Variants in RABGAP1 observed in about 807,000 individuals in gnomAD.
RABGAP1 encodes RAB GTPase activating protein 1, also known as rab GTPase-activating protein 1.
Under a neutral mutation model 137.6 loss-of-function variants are expected in RABGAP1, and 23 were observed. The ratio of observed to expected loss-of-function variants is 0.17; its 90% CI spans 0.12 to 0.24. The LOEUF (loss-of-function observed/expected upper bound fraction) is 0.24, where lower values mean the gene tolerates loss of function less well. Among genes scored for constraint, RABGAP1 ranks in the 10% least tolerant of loss-of-function variants. The pLI is 1.00. For missense variants in RABGAP1, 906 were observed against 1,275.8 expected (o/e 0.71, Z 4.42); for synonymous variants, 451 against 450.7 (o/e 1.00, Z -0.01).
upstream of RABGAP1, chr9:122,939,568 T>C (rs1375160949): frequency 1.3e-5 from 2 of 152,214 alleles, no homozygotes; most frequent in East Asian, 3.8e-4. Flanking sequence ...GTACTGATTG[T>C]GTAGTACAAT....
intron 1 of RABGAP1, among the ~76,000 whole-genome samples, chr9:122,953,110 A>G (rs1834337326): frequency 1.3e-5 from 2 of 152,244 alleles, no homozygotes; most frequent in Non-Finnish European, 2.9e-5. Flanking sequence ...CTAACAATCA[A>G]ATTAACTCAT....
At chr9:123,066,494 C>T (rs1325335786) in intron 14 of RABGAP1, among the ~76,000 whole-genome samples, 4 of 152,180 alleles carry the variant, frequency 2.6e-5, no homozygotes, top group African/African-American at 9.7e-5. Context: ...GGTGCTCTTC[C>T]TTGCAGAGCT....
intron 13 of RABGAP1, among the ~76,000 whole-genome samples, chr9:123,033,897 A>G (rs1200769697): frequency 6.6e-6 from 1 of 152,186 alleles, no homozygotes. Context: ...TTATAAGCAA[A>G]TTCCTTTTCT....
At chr9:123,087,138 C>G (rs1230610845) in intron 19 of RABGAP1, among the ~76,000 whole-genome samples, 1 of 152,108 alleles carries the variant, frequency 6.6e-6, no homozygotes. Flanking sequence ...ATATATGATA[C>G]TGAGGGAGAA....
chr9:122,962,575 G>C (rs1834907260), intron 2 of RABGAP1, among the ~76,000 whole-genome samples: 1 of 151,718 alleles, frequency 6.6e-6, no homozygotes, highest in Non-Finnish European at 1.5e-5. Context: ...AACTAACAAG[G>C]ATACAAGTAA....
At chr9:122,975,856 G>C (rs1455595372) in intron 2 of RABGAP1, among the ~76,000 whole-genome samples, 1 of 152,172 alleles carries the variant, frequency 6.6e-6, no homozygotes, top group African/African-American at 2.4e-5. Flanking sequence ...TTTTAGAGAT[G>C]AGACAGTTGG....
chr9:122,943,072 CTTTTTTTTTTTTTTT>C lies in RABGAP1; in HGVS notation c.-50+1994_-50+2008del, dbSNP rs10582436. On this transcript the variant is annotated intron_variant, in intron 1 of 25. Transcript: ENST00000373647. Reference sequence around the variant, plus strand: ...ATATAGTCATGTTGTGGTGCACTTTCTTTTTTTTTTTTTTTTTTTTTTTTTTTTTGAGACTGAGTT... The same window carrying C: ...ATATAGTCATGTTGTGGTGCACTTTCTTTTTTTTTTTTTTGAGACTGAGTT... Among the ~76,000 whole-genome samples the C allele has an allele frequency of 7.6e-3, 888 of 116,160 alleles. 7 individuals are homozygous for C. The highest frequency in any genetic ancestry group is 0.01 in the Non-Finnish European group (624 of 61,638). 76.2% of individuals were successfully genotyped at this position (116,160 alleles called of 152,430 possible).
At chr9:123,082,938 T>G (rs2034757644) in intron 19 of RABGAP1, among the ~76,000 whole-genome samples, 1 of 152,232 alleles carries the variant, frequency 6.6e-6, no homozygotes, top group African/African-American at 2.4e-5. Context: ...GTGTAGTTAG[T>G]ATGTATTAGA....
At chr9:122,937,523 G>A (rs542017988), upstream of RABGAP1, 2 of 152,370 alleles carry the variant, frequency 1.3e-5, no homozygotes, top group Admixed American at 1.3e-4. Flanking sequence ...CTTGAACCTG[G>A]GAGGCGGAGT....
At chr9:122,986,934 C>T (rs1224700560) in intron 4 of RABGAP1, among the ~76,000 whole-genome samples, 17 of 152,036 alleles carry the variant, frequency 1.1e-4, no homozygotes, top group Non-Finnish European at 1.6e-4. Context: ...TCGAGACCAG[C>T]CTGGGCAGCC....
intron 4 of RABGAP1, among the ~76,000 whole-genome samples, chr9:122,988,942 CAAAA>C (rs56914411): frequency 7.0e-5 from 4 of 57,046 alleles, no homozygotes; most frequent in Admixed American, 2.0e-4. Flanking sequence ...AAACTTGTCT[CAAAA>C]AAAAAAAAAA....
chr9:123,051,937 A>C (rs970117677), intron 13 of RABGAP1, among the ~76,000 whole-genome samples: 1 of 147,078 alleles, frequency 6.8e-6, no homozygotes, highest in African/African-American at 2.5e-5. Flanking sequence ...GACTACAGGC[A>C]CCTGCCACCA....
At chr9:123,029,614 A>G (rs2032186912) in intron 13 of RABGAP1, 2 of 737,350 alleles carry the variant, frequency 2.7e-6, no homozygotes, top group East Asian at 2.7e-5. Context: ...CAAACAAGAC[A>G]AGGTATTGAG....
intron 10 of RABGAP1, among the ~76,000 whole-genome samples, chr9:123,007,479 G>C (rs1188176957): frequency 6.7e-6 from 1 of 148,600 alleles, no homozygotes; most frequent in Non-Finnish European, 1.5e-5. Context: ...CCGGGCCCAA[G>C]TGATCCTCCT....
At chr9:123,006,114 A>G (rs562355519) in intron 10 of RABGAP1, among the ~76,000 whole-genome samples, 3 of 152,282 alleles carry the variant, frequency 2.0e-5, no homozygotes, top group Non-Finnish European at 2.9e-5. Context: ...TGGAGATATG[A>G]TAGTCCTCCC....
chr9:123,086,150 G>A (rs1414922606), intron 19 of RABGAP1, among the ~76,000 whole-genome samples: 1 of 152,176 alleles, frequency 6.6e-6, no homozygotes, highest in Admixed American at 6.5e-5. Context: ...CTGACAGGAC[G>A]AGAGTATGAG....
intron 19 of RABGAP1, among the ~76,000 whole-genome samples, chr9:123,086,832 G>A (rs1588398985): frequency 6.6e-6 from 1 of 152,138 alleles, no homozygotes; most frequent in African/African-American, 2.4e-5. Flanking sequence ...GTGTACACCC[G>A]TTCCTGAGAG....
At chr9:122,959,101 T>A (rs1013266656) in intron 2 of RABGAP1, among the ~76,000 whole-genome samples, 1 of 151,996 alleles carries the variant, frequency 6.6e-6, no homozygotes, top group Admixed American at 6.6e-5. Flanking sequence ...TAAGAGTGAA[T>A]GACAGGTGCT....
intron 13 of RABGAP1, among the ~76,000 whole-genome samples, chr9:123,065,117 T>C (rs2034126727): frequency 6.6e-6 from 1 of 152,180 alleles, no homozygotes; most frequent in Non-Finnish European, 1.5e-5. Flanking sequence ...GAGTATAATA[T>C]GGAAGTGTAT....
Sources: allele counts gnomAD v4.1 joint callset (sites outside exome capture counted in the v4.1 genomes callset), GRCh38; gene constraint gnomAD v4.1.1; transcripts MANE v1.5; gene names NCBI Gene and HGNC (gene_info 2026-07-23, HGNC 2026-07-21).